The following MAP2 variants were observed in gnomAD, a reference collection of about 807,000 sequenced individuals.
The protein encoded by MAP2 is microtubule-associated protein 2.
A neutral mutation model predicts 137.6 loss-of-function variants in MAP2; 14 were observed. The ratio of observed to expected loss-of-function variants is 0.10; its 90% CI spans 0.07 to 0.16. The LOEUF (loss-of-function observed/expected upper bound fraction) is 0.16. Among genes scored for constraint, MAP2 ranks in the 10% least tolerant of loss-of-function variants. MAP2 has a pLI of 1.00. For synonymous variants in MAP2, 786 were observed against 782.3 expected, an observed-to-expected ratio of 1.00 and a Z score of -0.08; for missense variants, 2,088 against 2,191.5, an observed-to-expected ratio of 0.95 and a Z score of 0.94.
At chr2:209,466,865 A>T in intron 1 of MAP2, among the ~76,000 whole-genome samples, 1 of 152,170 alleles carries the variant, frequency 6.6e-6, no homozygotes, top group Non-Finnish European at 1.5e-5. Context: ...CTCTCACTGG[A>T]TGAGAGGGAC....
chr2:209,549,612 T>C (rs2068764940), intron 2 of MAP2, among the ~76,000 whole-genome samples: 1 of 152,198 alleles, frequency 6.6e-6, no homozygotes. Context: ...CAGAACCTGA[T>C]ATAGATTTAA....
intron 2 of MAP2, among the ~76,000 whole-genome samples, chr2:209,536,235 T>C (rs1263540146): frequency 6.6e-6 from 1 of 152,186 alleles, no homozygotes; most frequent in African/African-American, 2.4e-5. Flanking sequence ...TTATGACATA[T>C]GCAAATATAA....
chr2:209,512,528 A>T (rs1300715867), intron 2 of MAP2, among the ~76,000 whole-genome samples: 1 of 151,458 alleles, frequency 6.6e-6, no homozygotes, highest in Admixed American at 6.6e-5. Context: ...AAGCTTCAAA[A>T]TATATTAATG....
chr2:209,702,626 T>C (rs1013763267), intron 11 of MAP2, among the ~76,000 whole-genome samples: 1 of 152,084 alleles, frequency 6.6e-6, no homozygotes, highest in Admixed American at 6.6e-5. Flanking sequence ...CGTGGGTTTT[T>C]CTGTTGTTTG....
chr2:209,431,621 A>G (rs116720632), intron 1 of MAP2, among the ~76,000 whole-genome samples: 267 of 152,276 alleles, frequency 1.8e-3, no homozygotes, highest in African/African-American at 6.2e-3. Flanking sequence ...GACTTTCCTT[A>G]TCTAGTTAGT....
intron 4 of MAP2, among the ~76,000 whole-genome samples, chr2:209,633,275 G>A (rs1369036914): frequency 6.6e-6 from 1 of 152,038 alleles, no homozygotes; most frequent in Non-Finnish European, 1.5e-5. Context: ...TTCCTTCTAT[G>A]AAGCTTTTTC....
At chr2:209,514,766 C>T (rs1022786594) in intron 2 of MAP2, among the ~76,000 whole-genome samples, 2 of 151,970 alleles carry the variant, frequency 1.3e-5, no homozygotes, top group Admixed American at 6.6e-5. Context: ...TATAAATCAA[C>T]GTGAGACTTG....
chr2:209,596,619 C>T (rs2081366653), intron 3 of MAP2, among the ~76,000 whole-genome samples: 1 of 152,174 alleles, frequency 6.6e-6, no homozygotes, highest in African/African-American at 2.4e-5. Context: ...CAACTATGCT[C>T]AAATATTGGC....
At chr2:209,544,204 G>A (rs1312023079) in intron 2 of MAP2, among the ~76,000 whole-genome samples, 3 of 151,942 alleles carry the variant, frequency 2.0e-5, no homozygotes. Flanking sequence ...CTGCACTCCA[G>A]CCTGGGTGAC....
At chr2:209,476,689 C>T (rs935828500) in intron 1 of MAP2, among the ~76,000 whole-genome samples, 1 of 152,142 alleles carries the variant, frequency 6.6e-6, no homozygotes, top group African/African-American at 2.4e-5. Flanking sequence ...CCACAGGGTG[C>T]ACATTCAGGC....
chr2:209,622,373 T>G (rs567013445), intron 3 of MAP2, among the ~76,000 whole-genome samples: 1 of 152,114 alleles, frequency 6.6e-6, no homozygotes, highest in Non-Finnish European at 1.5e-5. Flanking sequence ...GTCTGTGGAG[T>G]TGGTATGTAG....
chr2:209,622,670 G>A (rs990148142), intron 3 of MAP2, among the ~76,000 whole-genome samples: 1 of 149,332 alleles, frequency 6.7e-6, no homozygotes, highest in East Asian at 2.0e-4. Flanking sequence ...GTAATTTAAT[G>A]CTATTTATAT....
At chr2:209,574,663 T>C (rs983472309) in intron 2 of MAP2, among the ~76,000 whole-genome samples, 9 of 152,236 alleles carry the variant, frequency 5.9e-5, no homozygotes, top group Non-Finnish European at 7.3e-5. Context: ...AGGTAAAAAG[T>C]AATATAATTT....
intron 7 of MAP2, among the ~76,000 whole-genome samples, chr2:209,688,880 C>A (rs1301080934): frequency 6.6e-6 from 1 of 152,152 alleles, no homozygotes; most frequent in Non-Finnish European, 1.5e-5. Flanking sequence ...TAATAAACGT[C>A]TTCAAGGACC....
intron 1 of MAP2, among the ~76,000 whole-genome samples, chr2:209,430,013 G>C (rs1693809150): frequency 6.6e-6 from 1 of 151,780 alleles, no homozygotes; most frequent in Non-Finnish European, 1.5e-5. Context: ...TCCCTTAAGA[G>C]TCTACCTTTT....
intron 4 of MAP2, among the ~76,000 whole-genome samples, chr2:209,640,329 C>G (rs1454154764): frequency 2.6e-5 from 4 of 152,004 alleles, no homozygotes; most frequent in Non-Finnish European, 4.4e-5. Flanking sequence ...TACACAGAAG[C>G]CTGTCCATTA....
At chr2:209,523,904 T>C (rs1280770050) in intron 2 of MAP2, among the ~76,000 whole-genome samples, 2 of 152,160 alleles carry the variant, frequency 1.3e-5, no homozygotes, top group Non-Finnish European at 2.9e-5. Flanking sequence ...TTAGCAGAAA[T>C]GAAAAGTTCC....
At chr2:209,592,038 T>A (rs1270398074) in intron 3 of MAP2, among the ~76,000 whole-genome samples, 3 of 152,206 alleles carry the variant, frequency 2.0e-5, no homozygotes, top group Non-Finnish European at 2.9e-5. Context: ...TCCCAACTCC[T>A]GCTTTTCAAG....
intron 2 of MAP2, among the ~76,000 whole-genome samples, chr2:209,521,009 T>G (rs560702579): frequency 6.6e-6 from 1 of 152,092 alleles, no homozygotes; most frequent in Non-Finnish European, 1.5e-5. Flanking sequence ...AGTATCTTTC[T>G]TCTTTTGAAA....
Sources: gnomAD v4.1 joint callset for allele counts (sites outside exome capture counted in the v4.1 genomes callset) on GRCh38, gnomAD v4.1.1 for gene constraint, MANE v1.5 for transcripts, NCBI Gene and HGNC (gene_info 2026-07-23, HGNC 2026-07-21) for gene names.